Variants in TLK1 observed in about 807,000 individuals in gnomAD.
TLK1 encodes the protein tousled like kinase 1.
A neutral mutation model predicts 105.3 loss-of-function variants in TLK1; 24 were observed. The observed-to-expected ratio is 0.23, with a 90% CI of 0.17 to 0.32. TLK1 has a LOEUF of 0.32. Among genes scored for constraint, TLK1 ranks in the 10% least tolerant of loss-of-function variants. The pLI is 1.00. For missense variants in TLK1, 558 were observed against 910.5 expected (o/e 0.61, Z 4.98); for synonymous variants, 321 against 310.4 (o/e 1.03, Z -0.36).
intron 3 of TLK1, chr2:171,081,749 T>TA (rs1188179615): frequency 2.4e-6 from 3 of 1,272,586 alleles, no homozygotes; most frequent in Non-Finnish European, 3.1e-6. Context: ...CCCTATGCCA[T>TA]ACTCCTTTGT....
At chr2:171,004,916 G>T (rs1223305434) in intron 18 of TLK1, among the ~76,000 whole-genome samples, 1 of 152,176 alleles carries the variant, frequency 6.6e-6, no homozygotes, top group Non-Finnish European at 1.5e-5. Context: ...CATGTTCCTA[G>T]GAAATGCCAC....
chr2:171,083,596 T>A (rs1012994747), intron 2 of TLK1, among the ~76,000 whole-genome samples: 2 of 152,196 alleles, frequency 1.3e-5, no homozygotes, highest in African/African-American at 4.8e-5. Flanking sequence ...GGCATATATG[T>A]CAAAGATGAT....
chr2:171,149,230 G>A (rs1473081515), intron 1 of TLK1, among the ~76,000 whole-genome samples: 1 of 150,878 alleles, frequency 6.6e-6, no homozygotes, highest in Non-Finnish European at 1.5e-5. Flanking sequence ...GGGCGGGCAG[G>A]GAGAAGCAGC....
At chr2:171,166,081 G>A (rs1384263181) in intron 1 of TLK1, among the ~76,000 whole-genome samples, 1 of 152,202 alleles carries the variant, frequency 6.6e-6, no homozygotes, top group Non-Finnish European at 1.5e-5. Flanking sequence ...AGTCAGCCAT[G>A]GTGAGAGTAG....
At chr2:171,156,363 AAC>A (rs1344962094) in intron 1 of TLK1, among the ~76,000 whole-genome samples, 1 of 152,246 alleles carries the variant, frequency 6.6e-6, no homozygotes, top group Non-Finnish European at 1.5e-5. Context: ...TTCTATTTAC[AAC>A]ACAGTTTAAA....
At chr2:171,161,103 G>A (rs1692484572), upstream of TLK1, among the ~76,000 whole-genome samples, 1 of 147,566 alleles carries the variant, frequency 6.8e-6, no homozygotes, top group African/African-American at 2.4e-5. Flanking sequence ...GGGCGCCCCT[G>A]CCGCACCCGC....
At position 171,053,941 on chromosome 2, in the gene TLK1, G is replaced by T. The variant is rs1186070647; in HGVS notation, c.640-88C>A. The T allele has an allele frequency of 4.0e-6, 4 of 1,001,760 alleles. No homozygotes were observed. In the African/African-American group the frequency reaches 5.0e-5, roughly 13 times the overall value. The allele number at this position is 1,001,760 out of a possible 1,614,324, so 62.1% of individuals were successfully genotyped here. A position where few individuals can be genotyped will look rare whatever the true frequency, so the allele number is the denominator to read the frequency against. On this transcript the variant is annotated intron_variant, in intron 7 of 20. Transcript: ENST00000431350. ...CTAGATTTTACTCCAAATTCAAAAG[G>T]TAAAGAAAAATATATTTGTGTGTAT... is the stretch of plus-strand genomic sequence containing the variant.
rs191506067 is a variant in TLK1, at chr2:170,993,094, G to C, written c.*686C>G. ...GATTTCAACACAAGCAGCTCATTTT[G>C]TCAAAGGTGTAAAGTATTTAGAAAT... On this transcript the variant is annotated 3_prime_UTR_variant, in exon 21 of 21. Coordinates refer to ENST00000431350, the MANE Select transcript of TLK1 (RefSeq NM_012290.5). 1 of 152,602 alleles carries C rather than the reference G, an allele frequency of 6.6e-6. No homozygotes were observed. The highest frequency in any genetic ancestry group is 1.5e-5 in the Non-Finnish European group (1 of 68,022). 9.5% of individuals were successfully genotyped at this position (152,602 alleles called of 1,614,324 possible).
chr2:171,065,950 T>G (rs985370920), intron 3 of TLK1, among the ~76,000 whole-genome samples: 2 of 152,190 alleles, frequency 1.3e-5, no homozygotes, highest in Non-Finnish European at 2.9e-5. Context: ...ATGTTCAATT[T>G]TTATCCACAT....
At chr2:171,139,656 G>A (rs185035902) in intron 1 of TLK1, among the ~76,000 whole-genome samples, 2 of 152,080 alleles carry the variant, frequency 1.3e-5, no homozygotes, top group East Asian at 3.9e-4. Context: ...GGCATCAAAG[G>A]CAAAAATAGT....
chr2:171,157,509 A>G (rs1355300742), intron 1 of TLK1, among the ~76,000 whole-genome samples: 1 of 152,250 alleles, frequency 6.6e-6, no homozygotes, highest in Non-Finnish European at 1.5e-5. Context: ...GACCCGAGGG[A>G]AAGAAATCTA....
intron 13 of TLK1, among the ~76,000 whole-genome samples, chr2:171,013,843 C>A (rs990650911): frequency 1.3e-4 from 20 of 152,116 alleles, no homozygotes; most frequent in South Asian, 2.1e-4. Flanking sequence ...TAAACAGAAA[C>A]CTTTCCTCTC....
chr2:171,158,849 C>A (rs1430255089), intron 1 of TLK1, among the ~76,000 whole-genome samples: 1 of 152,174 alleles, frequency 6.6e-6, no homozygotes, highest in African/African-American at 2.4e-5. Flanking sequence ...TATATTCTAA[C>A]AATGAAAGCT....
intron 12 of TLK1, among the ~76,000 whole-genome samples, chr2:171,026,527 T>C (rs976288853): frequency 6.6e-6 from 1 of 152,156 alleles, no homozygotes; most frequent in African/African-American, 2.4e-5. Context: ...TAAAATGTCA[T>C]CATTTAGAAA....
At chr2:171,130,393 C>T (rs1266319580) in intron 1 of TLK1, among the ~76,000 whole-genome samples, 2 of 83,104 alleles carry the variant, frequency 2.4e-5, no homozygotes. Context: ...CAGAGCAACT[C>T]TATCTCGGGG....
At chr2:171,171,504 CAAAA>C (rs541238416) in intron 1 of TLK1, among the ~76,000 whole-genome samples, 2 of 67,402 alleles carry the variant, frequency 3.0e-5, no homozygotes, top group South Asian at 4.1e-4. Flanking sequence ...CCCTCATCTC[CAAAA>C]AAAAAAAAAA....
chr2:171,132,933 C>G (rs190927260), intron 1 of TLK1, among the ~76,000 whole-genome samples: 1 of 152,148 alleles, frequency 6.6e-6, no homozygotes, highest in Admixed American at 6.5e-5. Context: ...GCAACGATTT[C>G]TTTATTTGTA....
chr2:171,132,459 C>T (rs868673302), intron 1 of TLK1, among the ~76,000 whole-genome samples: 1 of 152,126 alleles, frequency 6.6e-6, no homozygotes, highest in Non-Finnish European at 1.5e-5. Context: ...CCCCCCAACA[C>T]GAGTTTCAGA....
At chr2:171,084,382 T>C (rs1306897471) in intron 2 of TLK1, among the ~76,000 whole-genome samples, 2 of 152,164 alleles carry the variant, frequency 1.3e-5, no homozygotes, top group African/African-American at 2.4e-5. Flanking sequence ...TACAAATTAC[T>C]GGGTGTGGAA....
Sources: gnomAD v4.1 joint callset for allele counts (sites outside exome capture counted in the v4.1 genomes callset) on GRCh38, gnomAD v4.1.1 for gene constraint, MANE v1.5 for transcripts, NCBI Gene and HGNC (gene_info 2026-07-23, HGNC 2026-07-21) for gene names.